Variants in LIMS1 observed in about 807,000 individuals in gnomAD.
The protein encoded by LIMS1 is LIM zinc finger domain containing 1.
LIMS1 carries 18 observed loss-of-function variants against 44.1 expected under a neutral mutation model. The ratio of observed to expected loss-of-function variants is 0.41; its 90% CI spans 0.28 to 0.61. The LOEUF is 0.61. Ranked by LOEUF, LIMS1 falls within the 20% of genes least tolerant of loss-of-function variation. The pLI is 0.32. For synonymous variants in LIMS1, 93 were observed against 149.1 expected (o/e 0.62, Z 2.74); for missense variants, 201 against 422.0 (o/e 0.48, Z 4.59).
intron 1 of LIMS1, among the ~76,000 whole-genome samples, chr2:108,631,948 C>T (rs1688954593): frequency 6.6e-6 from 1 of 152,102 alleles, no homozygotes; most frequent in Non-Finnish European, 1.5e-5. Context: ...GCATATATGC[C>T]TCCTTCACAG....
chr2:108,555,048 A>T (rs923421503), intron 1 of LIMS1, among the ~76,000 whole-genome samples: 4 of 152,144 alleles, frequency 2.6e-5, no homozygotes, highest in Non-Finnish European at 4.4e-5. Context: ...TAATAACGAG[A>T]TGCACATTTT....
chr2:108,674,339 A>C (rs1389185184), intron 5 of LIMS1, among the ~76,000 whole-genome samples: 9 of 152,126 alleles, frequency 5.9e-5, no homozygotes, highest in Non-Finnish European at 1.3e-4. Flanking sequence ...CAAAAAATAA[A>C]AATAAAAAAA....
intron 1 of LIMS1, among the ~76,000 whole-genome samples, chr2:108,555,039 A>G (rs1684877348): frequency 6.6e-6 from 1 of 152,200 alleles, no homozygotes; most frequent in Admixed American, 6.5e-5. Flanking sequence ...TGTCTTTCCT[A>G]ATAACGAGAT....
At chr2:108,605,423 A>G (rs987471136) in intron 1 of LIMS1, among the ~76,000 whole-genome samples, 1 of 152,188 alleles carries the variant, frequency 6.6e-6, no homozygotes, top group African/African-American at 2.4e-5. Flanking sequence ...TGTTGCTTGC[A>G]TCTTAGAAAC....
chr2:108,581,300 T>A (rs1164329375), intron 1 of LIMS1, among the ~76,000 whole-genome samples: 3 of 152,206 alleles, frequency 2.0e-5, no homozygotes, highest in Non-Finnish European at 4.4e-5. Flanking sequence ...AGCTGCCAAC[T>A]AACATATGAC....
intron 1 of LIMS1, among the ~76,000 whole-genome samples, chr2:108,601,557 G>A (rs1687016981): frequency 6.6e-6 from 1 of 152,218 alleles, no homozygotes; most frequent in African/African-American, 2.4e-5. Context: ...CTCTGAAACA[G>A]CGATGGATGA....
At position 108,551,753 on chromosome 2, in the gene LIMS1, A is replaced by G. The variant is rs191006132; in HGVS notation, c.32+17159A>G. On this transcript the variant is annotated intron_variant, in intron 1 of 9. Transcript: ENST00000544547. ...TGTATATGATATACAATATACATACATACCTATGTATATTGTATATCATAT... is the reference window on the plus strand; with the variant it reads ...TGTATATGATATACAATATACATACGTACCTATGTATATTGTATATCATAT... Among the ~76,000 whole-genome samples the G allele has an allele frequency of 4.5e-3, 651 of 146,200 alleles. 4 individuals carry two copies. The highest frequency in any genetic ancestry group is 0.014 in the South Asian group (65 of 4,744).
At chr2:108,581,937 C>CA (rs1412535889) in intron 1 of LIMS1, among the ~76,000 whole-genome samples, 2,903 of 103,176 alleles carry the variant, frequency 0.028, 38 homozygotes, top group African/African-American at 0.051. Flanking sequence ...AACTCCATCT[C>CA]AAAAAAAAAA....
chr2:108,544,512 T>A (rs1326390082), intron 1 of LIMS1, among the ~76,000 whole-genome samples: 1 of 152,222 alleles, frequency 6.6e-6, no homozygotes, highest in African/African-American at 2.4e-5. Context: ...TTATTTATTT[T>A]TGAGGCGATG....
intron 1 of LIMS1, among the ~76,000 whole-genome samples, chr2:108,575,166 T>C (rs1009070252): frequency 1.3e-5 from 2 of 151,576 alleles, no homozygotes; most frequent in African/African-American, 2.4e-5. Context: ...TCTCTCACCC[T>C]TTTTTTTTCC....
intron 1 of LIMS1, among the ~76,000 whole-genome samples, chr2:108,581,905 C>A (rs1041074653): frequency 6.6e-6 from 1 of 151,394 alleles, no homozygotes; most frequent in Non-Finnish European, 1.5e-5. Context: ...CCATTGGACT[C>A]CAGCCTGGGC....
At chr2:108,629,859 C>G (rs1688796116) in intron 1 of LIMS1, among the ~76,000 whole-genome samples, 1 of 152,140 alleles carries the variant, frequency 6.6e-6, no homozygotes, top group Admixed American at 6.5e-5. Flanking sequence ...TGTCCCATGG[C>G]AGCTGCAGAG....
At chr2:108,621,405 A>G (rs867286473) in intron 1 of LIMS1, 1 of 1,551,134 alleles carries the variant, frequency 6.4e-7, no homozygotes, top group Middle Eastern at 1.7e-4. Context: ...TCTACAGGAG[A>G]AGACGAGATC....
At chr2:108,631,933 G>A (rs1020179232) in intron 1 of LIMS1, among the ~76,000 whole-genome samples, 4 of 152,090 alleles carry the variant, frequency 2.6e-5, no homozygotes, top group East Asian at 1.9e-4. Context: ...ATTTGGAACC[G>A]CTTTGCATAT....
intron 1 of LIMS1, among the ~76,000 whole-genome samples, chr2:108,541,082 T>C (rs565424854): frequency 6.6e-6 from 1 of 152,344 alleles, no homozygotes; most frequent in Admixed American, 6.5e-5. Context: ...TGATTCCTTT[T>C]GAAGAACACT....
At chr2:108,552,478 A>C (rs1684785293) in intron 1 of LIMS1, among the ~76,000 whole-genome samples, 1 of 146,540 alleles carries the variant, frequency 6.8e-6, no homozygotes, top group South Asian at 2.1e-4. Flanking sequence ...TATAATAGTA[A>C]TACATTACAG....
At chr2:108,551,564 G>A (rs1472151096) in intron 1 of LIMS1, among the ~76,000 whole-genome samples, 2 of 138,844 alleles carry the variant, frequency 1.4e-5, no homozygotes, top group Admixed American at 7.4e-5. Flanking sequence ...AATCCTGGAC[G>A]TTCAGATTGA....
At chr2:108,621,104 C>T in intron 1 of LIMS1, 1 of 452,230 alleles carries the variant, frequency 2.2e-6, no homozygotes, top group Non-Finnish European at 3.9e-6. Flanking sequence ...AGTAACCTGC[C>T]TTCTTGGTCA....
intron 1 of LIMS1, 24 bp downstream of exon 1, chr2:108,534,618 C>T: frequency 9.0e-7 from 1 of 1,111,654 alleles, no homozygotes; most frequent in Non-Finnish European, 1.1e-6. Context: ...CGCGCGGCCC[C>T]CGCCACGTCC....
Sources: allele counts gnomAD v4.1 joint callset (sites outside exome capture counted in the v4.1 genomes callset), GRCh38; gene constraint gnomAD v4.1.1; transcripts MANE v1.5; gene names NCBI Gene and HGNC (gene_info 2026-07-23, HGNC 2026-07-21).